GBF1: variants seen among roughly 807,000 people sequenced by gnomAD.
The protein encoded by GBF1 is Golgi-specific brefeldin A-resistance guanine nucleotide exchange factor 1.
Under a neutral mutation model 210.5 loss-of-function variants are expected in GBF1, and 114 were observed. The observed-to-expected ratio is 0.54, with a 90% CI of 0.47 to 0.63. The LOEUF is 0.63. Among genes scored for constraint, GBF1 ranks in the 30% least tolerant of loss-of-function variants. The pLI is 0.00. For synonymous variants in GBF1, 850 were observed against 889.2 expected (o/e 0.96, Z 0.78); for missense variants, 1,851 against 2,357.7 (o/e 0.79, Z 4.45).
At chr10:102,231,421 G>A in the GBF1 span, among the ~76,000 whole-genome samples, 2 of 152,100 alleles carry the variant, frequency 1.3e-5, no homozygotes, top group Non-Finnish European at 2.9e-5. Flanking sequence ...GGGAGCAGAG[G>A]CTGGAGGTTG....
chr10:102,342,682 A>G (rs1033296148), intron 3 of GBF1, among the ~76,000 whole-genome samples: 5 of 152,216 alleles, frequency 3.3e-5, no homozygotes, highest in Middle Eastern at 3.4e-3. Flanking sequence ...GAAGGTGCTT[A>G]GGAAACCCTG....
chr10:102,243,361 C>A (rs1365352727), upstream of GBF1, among the ~76,000 whole-genome samples: 1 of 152,152 alleles, frequency 6.6e-6, no homozygotes, highest in Non-Finnish European at 1.5e-5. Context: ...GTCTGTTATT[C>A]CCAGGCATAA....
intron 3 of GBF1, among the ~76,000 whole-genome samples, chr10:102,288,477 C>T (rs2076143299): frequency 1.3e-5 from 2 of 150,414 alleles, no homozygotes; most frequent in Admixed American, 1.3e-4. Flanking sequence ...TTTGGGAGGC[C>T]GAGGCGGGCG....
intron 31 of GBF1, 49 bp from the exon 32 acceptor site, chr10:102,376,511 T>C (rs1397078870): frequency 1.2e-6 from 2 of 1,612,060 alleles, no homozygotes; most frequent in South Asian, 2.2e-5. Context: ...GCAAGGACAT[T>C]CACACAGGGG....
In GBF1 at chr10:102,344,043, T is replaced by C. The variant is rs761687991; in HGVS notation, c.164-8T>C. 6.2e-7 allele frequency: 1 copy of C among 1,611,772 alleles called. No individual in the cohort carries two copies. ...GATACCTCTTCATTTCTGTGTATTTTCTTGCAGAACTCTCAGAAATTGAGC... is the reference window on the plus strand; with the variant it reads ...GATACCTCTTCATTTCTGTGTATTTCCTTGCAGAACTCTCAGAAATTGAGC... On this transcript the variant is annotated splice_region_variant and splice_polypyrimidine_tract_variant and intron_variant, in intron 3 of 39. Transcript: ENST00000369983.
chr10:102,337,022 TA>T (rs1415713464), intron 3 of GBF1, among the ~76,000 whole-genome samples: 1 of 152,058 alleles, frequency 6.6e-6, no homozygotes, highest in African/African-American at 2.4e-5. Context: ...ATTCTAGTAA[TA>T]AAAAAATTGG....
At chr10:102,283,241 T>C (rs1424418879) in intron 3 of GBF1, among the ~76,000 whole-genome samples, 1 of 152,200 alleles carries the variant, frequency 6.6e-6, no homozygotes, top group African/African-American at 2.4e-5. Context: ...AGGGGATCAT[T>C]CTCCGTTTAT....
chr10:102,323,655 C>G (rs1379254406), intron 3 of GBF1, among the ~76,000 whole-genome samples: 2 of 151,082 alleles, frequency 1.3e-5, no homozygotes, highest in South Asian at 4.2e-4. Flanking sequence ...ATCCTCCCAT[C>G]TCTGCCTCCC....
intron 3 of GBF1, among the ~76,000 whole-genome samples, chr10:102,313,006 G>T (rs2078612863): frequency 6.6e-6 from 1 of 152,116 alleles, no homozygotes. Context: ...AGCCCTGTGT[G>T]CAGGGCTGTG....
intron 3 of GBF1, among the ~76,000 whole-genome samples, chr10:102,338,400 C>CA (rs2057927534): frequency 6.6e-6 from 1 of 151,674 alleles, no homozygotes; most frequent in Admixed American, 6.6e-5. Context: ...GCCACCACAC[C>CA]AGGCTAATTT....
At position 102,258,996 on chromosome 10, in the gene GBF1, A is replaced by G. The variant is rs756456202; in HGVS notation, c.58A>G (p.Ile20Val). 1.5e-5 allele frequency: 24 copies of G among 1,604,894 alleles called. No homozygotes were observed. The highest frequency in any genetic ancestry group is 1.9e-5 in the Non-Finnish European group (22 of 1,171,688). The part of the protein sequence containing the change: ...QGEINIVVGA[I>V]KRNARWSTHT... ...GGAGATTAACATTGTGGTTGGGGCC[A>G]TCAAACGAAATGCCCGATGGAGCAC... Residue 20 changes from isoleucine (I) to valine (V), a missense_variant, in exon 2 of 40, where the codon ATC (isoleucine) becomes GTC (valine). This residue lies in a region of GBF1 where 804 missense variants were observed against 958.6 expected (regional missense o/e 0.84). Coordinates refer to ENST00000369983, the MANE Select transcript of GBF1 (RefSeq NM_001377137.1).
chr10:102,289,946 C>CA (rs925253589), intron 3 of GBF1, among the ~76,000 whole-genome samples: 20 of 151,232 alleles, frequency 1.3e-4, no homozygotes, highest in Admixed American at 5.3e-4. Context: ...CCCGTCTGTA[C>CA]AAAAAAAAAT....
In GBF1 at chr10:102,358,114, C is replaced by T. The variant is rs1421326416; in HGVS notation, c.715C>T (p.His239Tyr). ...KQKRSPRPPR[H>Y]MTKVTPGSEL... ...GAAGAGATCCCCTCGGCCCCCACGC[C>T]ATATGACCAAAGTCACACCAGGTTC... The change falls in exon 9 of 40, where the codon CAT becomes TAT. Residue 239 changes from histidine (H) to tyrosine (Y), a missense_variant. Coordinates refer to ENST00000369983, the MANE Select transcript of GBF1 (RefSeq NM_001377137.1). 3.1e-6 allele frequency: 5 copies of T among 1,611,818 alleles called. No individual in the cohort carries two copies. Among genetic ancestry groups the T allele is most frequent in the Non-Finnish European group, 4.2e-6 (5 of 1,178,014 alleles).
chr10:102,360,155 A>T, intron 11 of GBF1, 29 bp from the exon 12 acceptor site: 103 of 1,352,192 alleles, frequency 7.6e-5, no homozygotes, highest in Non-Finnish European at 1.0e-4. Context: ...GTTTTATAGC[A>T]GTCTCACTCT....
intron 1 of GBF1, among the ~76,000 whole-genome samples, chr10:102,257,783 G>T (rs971463362): frequency 1.3e-5 from 2 of 151,322 alleles, no homozygotes; most frequent in Admixed American, 1.3e-4. Flanking sequence ...GAGCGAGAGA[G>T]AGTGTCTCGA....
the GBF1 span, chr10:102,231,846 G>A: frequency 1.9e-6 from 3 of 1,587,076 alleles, no homozygotes; most frequent in Admixed American, 1.7e-5. Context: ...CATATTCTCC[G>A]GCTCGGGGAC....
intron 4 of GBF1, among the ~76,000 whole-genome samples, chr10:102,345,165 C>G (rs1335129841): frequency 6.6e-6 from 1 of 151,510 alleles, no homozygotes; most frequent in African/African-American, 2.4e-5. Flanking sequence ...TTCTGTAACC[C>G]CAGCTACTGG....
chr10:102,380,791 C>T (rs546271404), intron 38 of GBF1, 105 bp downstream of exon 38: 23 of 956,494 alleles, frequency 2.4e-5, no homozygotes, highest in East Asian at 2.2e-4. Flanking sequence ...GTGGATCACC[C>T]GAGGGCAGGA....
chr10:102,364,040 G>A (rs533299626), intron 17 of GBF1, among the ~76,000 whole-genome samples: 1 of 152,192 alleles, frequency 6.6e-6, no homozygotes, highest in East Asian at 1.9e-4. Context: ...TGAGAGCCAA[G>A]TGTCACTAGT....
Sources: gnomAD v4.1 joint callset for allele counts (sites outside exome capture counted in the v4.1 genomes callset) on GRCh38, gnomAD v4.1.1 for gene constraint, gnomAD v4.1.1 regional missense constraint, MANE v1.5 for transcripts, NCBI Gene and HGNC (gene_info 2026-07-23, HGNC 2026-07-21) for gene names.